The following PCDHA4 variants were observed in gnomAD, a reference collection of about 807,000 sequenced individuals.
PCDHA4 encodes protocadherin alpha 4, also known as protocadherin alpha-4.
Under a neutral mutation model 61.4 loss-of-function variants are expected in PCDHA4, and 49 were observed. The ratio of observed to expected loss-of-function variants is 0.80; its 90% CI spans 0.63 to 1.01. The LOEUF is 1.01. Ranked by LOEUF, PCDHA4 falls within the 50% of genes least tolerant of loss-of-function variation. The pLI is 0.00. For missense variants in PCDHA4, 1,254 were observed against 1,235.8 expected (o/e 1.01, Z -0.22); for synonymous variants, 590 against 550.3 (o/e 1.07, Z -1.01).
intron 1 of PCDHA4, among the ~76,000 whole-genome samples, chr5:140,890,939 G>A (rs1236920048): frequency 6.6e-6 from 1 of 152,106 alleles, no homozygotes; most frequent in Admixed American, 6.6e-5. Flanking sequence ...GTCCAAAGAT[G>A]CTGGTGAGGA....
Position 140,842,816 on chromosome 5 carries a change from G to T in PCDHA4, c.2385+33244G>T, listed in dbSNP as rs144864522. On this transcript the variant is annotated intron_variant, in intron 1 of 3. Coordinates refer to ENST00000530339, the MANE Select transcript of PCDHA4 (RefSeq NM_018907.4). Reference sequence around the variant, plus strand: ...GTCCTACTCGCTTGTGGAGCGGCGGGTGGGCGAGCGCTCGCTGTCGAGCTA... The same window carrying T: ...GTCCTACTCGCTTGTGGAGCGGCGGTTGGGCGAGCGCTCGCTGTCGAGCTA... 2.5e-5 allele frequency: 40 copies of T among 1,594,004 alleles called. 2 individuals are homozygous for T. The African/African-American group carries it at 4.0e-4, about 16-fold the overall frequency.
At position 140,836,167 on chromosome 5, in the gene PCDHA4, G is replaced by T. The variant is rs2150254555; in HGVS notation, c.2385+26595G>T. 3.1e-6 allele frequency: 5 copies of T among 1,613,848 alleles called. No homozygotes were observed. Among genetic ancestry groups the T allele is most frequent in the Non-Finnish European group, 4.2e-6 (5 of 1,179,798 alleles). ...GCGGGCCATGTGGTGGCGAAGGTAC[G>T]TGCAGTTGACGCTGACTCAGGCTAC... On this transcript the variant is annotated intron_variant, in intron 1 of 3. Coordinates refer to ENST00000530339, the MANE Select transcript of PCDHA4 (RefSeq NM_018907.4).
intron 1 of PCDHA4, chr5:140,884,824 T>C: frequency 1.0e-6 from 1 of 993,590 alleles, no homozygotes; most frequent in Non-Finnish European, 1.4e-6. Context: ...ACATTATGTG[T>C]TGGATTATCC....
chr5:140,886,413 C>T (rs1465937681), intron 1 of PCDHA4, among the ~76,000 whole-genome samples: 1 of 152,042 alleles, frequency 6.6e-6, no homozygotes, highest in Non-Finnish European at 1.5e-5. Flanking sequence ...ATGTTTTCCT[C>T]CTATATTATT....
At position 140,929,224 on chromosome 5, in the gene PCDHA4, G is replaced by A. The variant is rs138816649; in HGVS notation, c.2386-49725G>A. 8.1e-6 allele frequency: 13 copies of A among 1,613,792 alleles called. No individual in the cohort carries two copies. In the African/African-American group the frequency reaches 1.5e-4, roughly 18 times the overall value. ...GCTGTTGCGTGGGGAGTACAATGCT[G>A]CCGACCTGCGAAATCTTGCCACTGG... On this transcript the variant is annotated intron_variant, in intron 1 of 3. Transcript: ENST00000530339.
At chr5:140,928,610 C>T (rs935238036) in intron 1 of PCDHA4, 1 of 1,614,254 alleles carries the variant, frequency 6.2e-7, no homozygotes, top group Non-Finnish European at 8.5e-7. Flanking sequence ...GTGCCCCGCT[C>T]TGCCAGGACT....
rs781920660 is a variant in PCDHA4 at position 140,857,284 on chromosome 5, G to A, written c.2385+47712G>A. On this transcript the variant is annotated intron_variant, in intron 1 of 3. Transcript: ENST00000530339. Reference sequence around the variant, plus strand: ...ACTCATTGGTGCTGGACAGCGCTCTGGACCGCGAGAGGGTGTCGGCCTATG... The same window carrying A: ...ACTCATTGGTGCTGGACAGCGCTCTAGACCGCGAGAGGGTGTCGGCCTATG... 4 of 1,598,734 alleles carry A rather than the reference G, an allele frequency of 2.5e-6. 1 individual carries two copies. Among genetic ancestry groups the A allele is most frequent in the Non-Finnish European group, 2.6e-6 (3 of 1,168,028 alleles).
intron 1 of PCDHA4, among the ~76,000 whole-genome samples, chr5:140,922,833 T>C (rs1443634582): frequency 6.6e-6 from 1 of 152,332 alleles, no homozygotes; most frequent in Admixed American, 6.5e-5. Flanking sequence ...TGCTAATAGA[T>C]GTCCTCAAAG....
At chr5:140,978,485 A>G (rs992352505) in intron 1 of PCDHA4, among the ~76,000 whole-genome samples, 2 of 152,264 alleles carry the variant, frequency 1.3e-5, no homozygotes, top group Admixed American at 1.3e-4. Flanking sequence ...CAGTCTGCAA[A>G]GCCAGCAGCA....
chr5:140,901,642 C>T lies in PCDHA4; in HGVS notation c.2386-77307C>T, dbSNP rs369623028. Among the ~76,000 whole-genome samples, 37 of 152,054 alleles carry T rather than the reference C, an allele frequency of 2.4e-4. No individual in the cohort carries two copies. In the East Asian group the frequency reaches 3.3e-3, roughly 13 times the overall value. On this transcript the variant is annotated intron_variant, in intron 1 of 3. Transcript: ENST00000530339. ...TTGAAGTCAGGTAATGTGATTCTTC[C>T]GGTTTTGTTCTTTTTGCTCAAGATA...
chr5:140,899,225 A>C (rs1479429839), intron 1 of PCDHA4, among the ~76,000 whole-genome samples: 1 of 152,038 alleles, frequency 6.6e-6, no homozygotes, highest in African/African-American at 2.4e-5. Context: ...TTCCAACACT[A>C]TGTTGAATAG....
chr5:140,985,955 G>A (rs1284756138), intron 3 of PCDHA4, among the ~76,000 whole-genome samples: 1 of 151,674 alleles, frequency 6.6e-6, no homozygotes, highest in Non-Finnish European at 1.5e-5. Flanking sequence ...TAGCCAGGAT[G>A]GTCTCAATCT....
intron 1 of PCDHA4, chr5:140,868,979 C>A: frequency 6.7e-7 from 1 of 1,485,290 alleles, no homozygotes; most frequent in Non-Finnish European, 9.0e-7. Context: ...TCCATCATAC[C>A]GGATGCCACC....
At chr5:140,887,204 C>T (rs1438790748) in intron 1 of PCDHA4, among the ~76,000 whole-genome samples, 7 of 151,828 alleles carry the variant, frequency 4.6e-5, no homozygotes, top group African/African-American at 1.5e-4. Flanking sequence ...TCACGCCATT[C>T]TCCTGCCTCA....
At chr5:141,004,156 A>G (rs2098155888) in intron 3 of PCDHA4, among the ~76,000 whole-genome samples, 1 of 152,248 alleles carries the variant, frequency 6.6e-6, no homozygotes, top group Admixed American at 6.5e-5. Flanking sequence ...GACATTTTAT[A>G]GGCAAAGCCA....
At chr5:141,009,459 A>T in intron 3 of PCDHA4, 168 bp from the exon 4 acceptor site, 3 of 950,878 alleles carry the variant, frequency 3.2e-6, no homozygotes, top group Non-Finnish European at 3.8e-6. Context: ...AATTAAACAA[A>T]TAAATAAATA....
chr5:140,855,819 C>T, intron 1 of PCDHA4: 1 of 524,234 alleles, frequency 1.9e-6, no homozygotes, highest in Non-Finnish European at 3.4e-6. Flanking sequence ...AAGTTGTGAA[C>T]TCATGGAATC....
chr5:140,825,137 A>T (rs1027495465), intron 1 of PCDHA4: 3 of 151,772 alleles, frequency 2.0e-5, no homozygotes, highest in African/African-American at 4.8e-5. Context: ...TAAAAAACAT[A>T]TGAGTATTGA....
Position 140,846,720 on chromosome 5 carries a change from C to A in PCDHA4, c.2385+37148C>A, listed in dbSNP as rs1311468002. 2.7e-5 allele frequency among the ~76,000 whole-genome samples: 4 copies of A among 149,248 alleles called. 1 individual carries two copies. The highest frequency in any genetic ancestry group is 9.8e-5 in the African/African-American group (4 of 40,682). ...AGAGAAGATTGTAATAACCAGTCTT[C>A]ATTAAACATTAAATAGGACCCTTAC... is the stretch of plus-strand genomic sequence containing the variant. On this transcript the variant is annotated intron_variant, in intron 1 of 3. Transcript: ENST00000530339.
Sources: gnomAD v4.1 joint callset for allele counts (sites outside exome capture counted in the v4.1 genomes callset) on GRCh38, gnomAD v4.1.1 for gene constraint, MANE v1.5 for transcripts, NCBI Gene and HGNC (gene_info 2026-07-23, HGNC 2026-07-21) for gene names.